The following MAGI2 variants were observed in gnomAD, a reference collection of about 807,000 sequenced individuals.
MAGI2 encodes membrane-associated guanylate kinase, WW and PDZ domain-containing protein 2.
In MAGI2, 35 loss-of-function variants were observed where a neutral mutation model predicts 133.3. The observed-to-expected ratio is 0.26, with a 90% CI of 0.20 to 0.35. The LOEUF (loss-of-function observed/expected upper bound fraction) is 0.35. Among genes scored for constraint, MAGI2 ranks in the 10% least tolerant of loss-of-function variants. MAGI2 has a pLI of 1.00. For missense variants in MAGI2, 1,636 were observed against 1,863.4 expected, an observed-to-expected ratio of 0.88 and a Z score of 2.25; for synonymous variants, 729 against 710.6, an observed-to-expected ratio of 1.03 and a Z score of -0.41.
At chr7:78,708,286 A>G (rs1340517723) in intron 2 of MAGI2, among the ~76,000 whole-genome samples, 1 of 152,180 alleles carries the variant, frequency 6.6e-6, no homozygotes, top group Non-Finnish European at 1.5e-5. Context: ...GAAGAGCTCA[A>G]TGAAAAGAAA....
At chr7:78,341,013 A>T (rs1276749685) in intron 9 of MAGI2, among the ~76,000 whole-genome samples, 1 of 152,238 alleles carries the variant, frequency 6.6e-6, no homozygotes, top group East Asian at 1.9e-4. Flanking sequence ...GAGGAAGTCA[A>T]ATAGTCTCTT....
At position 78,823,601 on chromosome 7, in the gene MAGI2, AAG is replaced by A. The variant is rs1360928226; in HGVS notation, c.418+183487_418+183488del. On this transcript the variant is annotated intron_variant, in intron 2 of 21. Transcript: ENST00000354212. Reference sequence around the variant, plus strand: ...GTCTCAAAAAAAAAAAAAAAAAAAAAAGAAATACGACACTGTCTATTTCAGCA... The same window carrying A: ...GTCTCAAAAAAAAAAAAAAAAAAAAAAAATACGACACTGTCTATTTCAGCA... Among the ~76,000 whole-genome samples, 302 of 140,770 alleles carry A rather than the reference AAG, an allele frequency of 2.1e-3. 1 individual carries two copies. Among genetic ancestry groups the A allele is most frequent in the African/African-American group, 7.5e-3 (291 of 38,896 alleles). 92.4% of individuals were successfully genotyped at this position (140,770 alleles called of 152,430 possible).
chr7:78,368,355 G>A (rs1018879459), intron 7 of MAGI2, among the ~76,000 whole-genome samples: 1 of 152,136 alleles, frequency 6.6e-6, no homozygotes, highest in Non-Finnish European at 1.5e-5. Flanking sequence ...GATGAACAAT[G>A]TGAAAGTCTT....
intron 2 of MAGI2, among the ~76,000 whole-genome samples, chr7:78,627,663 A>G (rs1808515990): frequency 6.6e-6 from 1 of 152,186 alleles, no homozygotes; most frequent in African/African-American, 2.4e-5. Context: ...CGATCTTAGG[A>G]AAATGTCAAT....
chr7:79,248,451 A>T (rs1832976806), intron 1 of MAGI2, among the ~76,000 whole-genome samples: 1 of 152,214 alleles, frequency 6.6e-6, no homozygotes, highest in South Asian at 2.1e-4. Context: ...TCAGCATTGG[A>T]CAGATCATCT....
chr7:78,267,072 A>G (rs1011881502), intron 9 of MAGI2, among the ~76,000 whole-genome samples: 9 of 152,158 alleles, frequency 5.9e-5, no homozygotes, highest in African/African-American at 1.9e-4. Flanking sequence ...ATCAACCTAC[A>G]TGGTAATTCT....
Position 78,907,955 on chromosome 7 carries a change from GA to G in MAGI2, c.418+99134del, listed in dbSNP as rs563302504. Among the ~76,000 whole-genome samples the G allele has an allele frequency of 3.9e-3, 595 of 152,298 alleles. 10 individuals carry two copies. The highest frequency in any genetic ancestry group is 0.016 in the Admixed American group (245 of 15,296). On this transcript the variant is annotated intron_variant, in intron 2 of 21. Coordinates refer to ENST00000354212, the MANE Select transcript of MAGI2 (RefSeq NM_012301.4). ...TCTGAGGGATGTAAAGAGACTTTAT[GA>G]AGAAGGGAATATTGGAGTTACATAT...
intron 16 of MAGI2, among the ~76,000 whole-genome samples, chr7:78,148,262 A>G (rs1402315481): frequency 6.6e-6 from 1 of 152,178 alleles, no homozygotes; most frequent in Non-Finnish European, 1.5e-5. Context: ...TCTAAAATGC[A>G]TTATGCTTAG....
intron 1 of MAGI2, among the ~76,000 whole-genome samples, chr7:79,308,432 G>T (rs760070502): frequency 6.6e-6 from 1 of 152,114 alleles, no homozygotes; most frequent in Non-Finnish European, 1.5e-5. Flanking sequence ...AAGCATGAGC[G>T]AGTTCAATAG....
At chr7:78,965,915 G>A (rs1803267342) in intron 2 of MAGI2, among the ~76,000 whole-genome samples, 1 of 151,958 alleles carries the variant, frequency 6.6e-6, no homozygotes, top group Non-Finnish European at 1.5e-5. Flanking sequence ...AGCTTTTGGA[G>A]GCAACCTCAT....
intron 1 of MAGI2, among the ~76,000 whole-genome samples, chr7:79,121,582 G>T (rs539799223): frequency 6.6e-6 from 1 of 152,046 alleles, no homozygotes; most frequent in Non-Finnish European, 1.5e-5. Flanking sequence ...CTACTGTATC[G>T]CAAATGCATT....
At chr7:78,292,257 G>A (rs1016036808) in intron 9 of MAGI2, among the ~76,000 whole-genome samples, 1 of 152,132 alleles carries the variant, frequency 6.6e-6, no homozygotes, top group African/African-American at 2.4e-5. Flanking sequence ...AAATCAATCT[G>A]CAAAAATCAC....
At chr7:78,775,289 G>C (rs1167597476) in intron 2 of MAGI2, among the ~76,000 whole-genome samples, 1 of 126,252 alleles carries the variant, frequency 7.9e-6, no homozygotes, top group African/African-American at 3.1e-5. Flanking sequence ...CTCCAGCCTG[G>C]GCGACAGAGC....
chr7:78,832,050 T>C (rs1326914107), intron 2 of MAGI2, among the ~76,000 whole-genome samples: 1 of 152,122 alleles, frequency 6.6e-6, no homozygotes, highest in Non-Finnish European at 1.5e-5. Flanking sequence ...TTTTAAAATG[T>C]TTTTCAGAAT....
At chr7:78,601,268 A>G (rs1805172807) in intron 3 of MAGI2, among the ~76,000 whole-genome samples, 1 of 152,226 alleles carries the variant, frequency 6.6e-6, no homozygotes, top group Admixed American at 6.5e-5. Context: ...GTGTACATGT[A>G]TAATGAAGAA....
chr7:78,983,287 G>A (rs1479767093), intron 2 of MAGI2, among the ~76,000 whole-genome samples: 1 of 151,896 alleles, frequency 6.6e-6, no homozygotes, highest in Non-Finnish European at 1.5e-5. Flanking sequence ...GGAAGTTCTG[G>A]ACAAGAGGTA....
chr7:79,426,007 G>A (rs1006851002), intron 1 of MAGI2, among the ~76,000 whole-genome samples: 9 of 152,256 alleles, frequency 5.9e-5, no homozygotes, highest in Middle Eastern at 3.4e-3. Flanking sequence ...AATCTATTGC[G>A]TTGAACAGAA....
chr7:78,036,919 A>G (rs1161243592), intron 21 of MAGI2, among the ~76,000 whole-genome samples: 2 of 152,150 alleles, frequency 1.3e-5, no homozygotes, highest in Non-Finnish European at 2.9e-5. Context: ...TGGCCTCTTT[A>G]GGTAACTTTT....
At chr7:78,682,329 C>G (rs1171744798) in intron 2 of MAGI2, among the ~76,000 whole-genome samples, 1 of 151,942 alleles carries the variant, frequency 6.6e-6, no homozygotes, top group Non-Finnish European at 1.5e-5. Flanking sequence ...ACCAATCGAC[C>G]CGTCATCTAC....
Sources: gnomAD v4.1 joint callset for allele counts (sites outside exome capture counted in the v4.1 genomes callset) on GRCh38, gnomAD v4.1.1 for gene constraint, MANE v1.5 for transcripts, NCBI Gene and HGNC (gene_info 2026-07-23, HGNC 2026-07-21) for gene names.